NDRG4: variants seen among roughly 807,000 people sequenced by gnomAD.
NDRG4 encodes the protein NDRG family member 4.
A neutral mutation model predicts 55.8 loss-of-function variants in NDRG4; 38 were observed. The ratio of observed to expected loss-of-function variants is 0.68; its 90% CI spans 0.53 to 0.89. The LOEUF (loss-of-function observed/expected upper bound fraction) is 0.89. NDRG4 is among the 40% of genes least tolerant of loss of function. NDRG4 has a pLI of 0.00. For synonymous variants in NDRG4, 190 were observed against 182.7 expected (o/e 1.04, Z -0.32); for missense variants, 455 against 468.6 (o/e 0.97, Z 0.27).
intron 1 of NDRG4, chr16:58,501,045 A>G (rs1218576130): frequency 1.6e-6 from 2 of 1,238,914 alleles, no homozygotes; most frequent in Admixed American, 4.2e-5. Flanking sequence ...CCCCAGGTGG[A>G]GCCCAGGGCA....
chr16:58,485,118 C>G (rs13330269), intron 1 of NDRG4, among the ~76,000 whole-genome samples: 2,126 of 152,118 alleles, frequency 0.014, 48 homozygotes, highest in African/African-American at 0.049. Context: ...CTCCTGACCT[C>G]GTGATCCACC....
intron 1 of NDRG4, among the ~76,000 whole-genome samples, chr16:58,465,625 G>A (rs1488040558): frequency 1.3e-5 from 2 of 152,086 alleles, no homozygotes; most frequent in Non-Finnish European, 2.9e-5. Flanking sequence ...CAGGCCAGGC[G>A]CAGTGGCTCA....
intron 2 of NDRG4, among the ~76,000 whole-genome samples, chr16:58,492,852 G>T (rs957855570): frequency 6.6e-6 from 1 of 151,998 alleles, no homozygotes; most frequent in African/African-American, 2.4e-5. Context: ...AGAGATTCAT[G>T]ATCAGCCCCA....
chr16:58,465,038 C>T, intron 1 of NDRG4: 1 of 1,260,094 alleles, frequency 7.9e-7, no homozygotes, highest in Non-Finnish European at 1.0e-6. Context: ...GGGGCAGTGG[C>T]TGGAGAGCAA....
intron 1 of NDRG4, among the ~76,000 whole-genome samples, chr16:58,473,375 G>C (rs754095537): frequency 1.3e-5 from 2 of 152,078 alleles, no homozygotes; most frequent in Admixed American, 6.6e-5. Context: ...TGTTGCCCAG[G>C]CTGGTCTTAA....
At chr16:58,486,898 C>T (rs889924418) in intron 1 of NDRG4, among the ~76,000 whole-genome samples, 11 of 152,228 alleles carry the variant, frequency 7.2e-5, no homozygotes, top group African/African-American at 2.6e-4. Context: ...CCTGCACCCC[C>T]TCTTTCAACA....
In NDRG4 at chr16:58,508,005, T is replaced by A. The variant is rs527602853; in HGVS notation, c.729+6T>A. ...CACCCGCTGAGGACGGGGTGGTAAG[T>A]GAGGGGCTGTGGGCTCACTGGGGGT... On this transcript the variant is annotated splice_donor_region_variant and intron_variant, in intron 10 of 14. Transcript: ENST00000570248. The A allele has an allele frequency of 5.2e-6, 8 of 1,545,096 alleles. No homozygotes were observed. The South Asian group carries it at 1.0e-4, about 19-fold the overall frequency.
At chr16:58,492,551 T>TGAGAGA (rs1173972390) in intron 2 of NDRG4, among the ~76,000 whole-genome samples, 1 of 43,922 alleles carries the variant, frequency 2.3e-5, no homozygotes, top group African/African-American at 4.6e-5. Context: ...TGTGTGTGTG[T>TGAGAGA]GAGAGACAGA....
chr16:58,498,017 C>T (rs1025206307), upstream of NDRG4, among the ~76,000 whole-genome samples: 1 of 152,078 alleles, frequency 6.6e-6, no homozygotes, highest in African/African-American at 2.4e-5. Flanking sequence ...GGACTTAAAC[C>T]CACGTCTGTG....
intron 2 of NDRG4, among the ~76,000 whole-genome samples, chr16:58,493,767 C>T (rs971566741): frequency 3.9e-5 from 6 of 152,218 alleles, no homozygotes; most frequent in Non-Finnish European, 7.3e-5. Context: ...CAGGGGAAGG[C>T]AAGGCAGAAC....
upstream of NDRG4, among the ~76,000 whole-genome samples, chr16:58,497,902 G>A (rs2036587544): frequency 6.6e-6 from 1 of 152,114 alleles, no homozygotes; most frequent in African/African-American, 2.4e-5. Context: ...CAGCAGCTTG[G>A]TGAGAAAGGC....
chr16:58,463,722 C>G (rs926064252), exon 1 of NDRG4: 3 of 150,090 alleles, frequency 2.0e-5, no homozygotes, highest in African/African-American at 4.9e-5. Context: ...CCTGGCTGCC[C>G]GCACCTGCAC....
intron 1 of NDRG4, among the ~76,000 whole-genome samples, chr16:58,474,258 G>A (rs545877652): frequency 9.3e-4 from 142 of 152,088 alleles, no homozygotes; most frequent in African/African-American, 3.2e-3. Flanking sequence ...GGCCAGGCTG[G>A]TCTCGAACTC....
At chr16:58,483,480 G>A (rs1337547869) in intron 1 of NDRG4, among the ~76,000 whole-genome samples, 6 of 152,166 alleles carry the variant, frequency 3.9e-5, no homozygotes, top group Non-Finnish European at 5.9e-5. Context: ...CAGCGCAGGA[G>A]CCCATTTCCA....
downstream of NDRG4, among the ~76,000 whole-genome samples, chr16:58,514,677 G>A (rs1052692531): frequency 5.3e-5 from 8 of 150,690 alleles, no homozygotes; most frequent in South Asian, 2.1e-4. Context: ...GGGAGGTGGA[G>A]GTTGCAGTGA....
intron 1 of NDRG4, among the ~76,000 whole-genome samples, chr16:58,474,528 G>A (rs575420776): frequency 6.6e-6 from 1 of 152,096 alleles, no homozygotes; most frequent in African/African-American, 2.4e-5. Flanking sequence ...TTACCACCCT[G>A]TTTCACATCC....
intron 1 of NDRG4, chr16:58,500,622 C>T: frequency 2.0e-6 from 1 of 511,520 alleles, no homozygotes; most frequent in Non-Finnish European, 3.4e-6. Flanking sequence ...GTCCCTCTGA[C>T]CGTGTGCCCT....
Position 58,464,494 on chromosome 16 carries a change from C to T in NDRG4, c.-24+697C>T. 7.7e-7 allele frequency: 1 copy of T among 1,305,684 alleles called. No homozygotes were observed. The highest frequency in any genetic ancestry group is 9.7e-7 in the Non-Finnish European group (1 of 1,025,676). The allele number at this position is 1,305,684 out of a possible 1,614,324, so 80.9% of individuals were successfully genotyped here. On this transcript the variant is annotated intron_variant, in intron 1 of 15. Coordinates refer to the NDRG4 transcript ENST00000258187. The surrounding 1 kb of genome is among the most constrained non-coding windows in gnomAD (Gnocchi z 4.8). The stretch of plus-strand genomic sequence containing the variant: ...TACCGCCCGCCTGCCCCGCAGCCGG[C>T]CGCCACTTTCCGAGTTGGAGCGGAC...
At chr16:58,482,468 G>A (rs981657157) in intron 1 of NDRG4, among the ~76,000 whole-genome samples, 2 of 151,968 alleles carry the variant, frequency 1.3e-5, no homozygotes, top group African/African-American at 2.4e-5. Context: ...GTGCAGCTGT[G>A]GGGGGTAGAG....
Sources: allele counts gnomAD v4.1 joint callset (sites outside exome capture counted in the v4.1 genomes callset), GRCh38; gene constraint gnomAD v4.1.1; non-coding constraint Gnocchi (gnomAD v3.1); transcripts MANE v1.5; gene names NCBI Gene and HGNC (gene_info 2026-07-23, HGNC 2026-07-21).